Variants in ASXL2 observed in about 807,000 individuals in gnomAD.
ASXL2 encodes the protein putative Polycomb group protein ASXL2.
Under a neutral mutation model 122.0 loss-of-function variants are expected in ASXL2, and 23 were observed. The ratio of observed to expected loss-of-function variants is 0.19; its 90% CI spans 0.14 to 0.27. The LOEUF is 0.27. ASXL2 is among the 10% of genes least tolerant of loss of function. ASXL2 has a pLI of 1.00. For synonymous variants in ASXL2, 650 were observed against 637.0 expected (o/e 1.02, Z -0.31); for missense variants, 1,518 against 1,713.8 (o/e 0.89, Z 2.02).
chr2:25,753,246 G>T (rs1204999808), intron 11 of ASXL2, among the ~76,000 whole-genome samples: 1 of 151,546 alleles, frequency 6.6e-6, no homozygotes, highest in Non-Finnish European at 1.5e-5. Flanking sequence ...GTTATAGTGT[G>T]AGCCACTGCG....
chr2:25,768,464 C>G (rs757242611), intron 7 of ASXL2, among the ~76,000 whole-genome samples: 12 of 152,090 alleles, frequency 7.9e-5, no homozygotes, highest in South Asian at 2.1e-4. Flanking sequence ...CCACCACACC[C>G]GGCTAATTTT....
Position 25,743,750 on chromosome 2 carries a change from T to C in ASXL2, c.2587A>G (p.Lys863Glu), listed in dbSNP as rs2087887581. Residue 863 changes from lysine (K) to glutamate (E), a missense_variant, in exon 13 of 13, where the codon AAG becomes GAG. By Grantham distance (56) the Lys-to-Glu change is moderately conservative. Transcript: ENST00000435504. ...GAGGCTGAAGGGTTAGGTATATTCT[T>C]ACTAGGACCTGCTTTGAGCTCAACT... The part of the protein sequence containing the change: ...GTVELKAGPS[K>E]NIPNPSASSK... 6.2e-7 allele frequency: 1 copy of C among 1,613,906 alleles called. No individual in the cohort carries two copies. The highest frequency in any genetic ancestry group is 1.3e-5 in the African/African-American group (1 of 74,940).
Position 25,743,539 on chromosome 2 carries a change from AAAG to A in ASXL2, c.2795_2797del (p.Ser932del), listed in dbSNP as rs759924842. ...TCTTAAAGTGGGTCCATTCATGTTT[AAAG>A]AAGTTCCTGGGGTTTTAAGGCTAGA... On this transcript the variant is annotated inframe_deletion, in exon 13 of 13. Transcript: ENST00000435504. 3.7e-6 allele frequency: 6 copies of A among 1,613,998 alleles called. No homozygotes were observed. The South Asian group carries it at 5.5e-5, about 15-fold the overall frequency.
chr2:25,851,249 G>T (rs1285871228), intron 1 of ASXL2, among the ~76,000 whole-genome samples: 1 of 151,998 alleles, frequency 6.6e-6, no homozygotes, highest in Non-Finnish European at 1.5e-5. Flanking sequence ...ATGCTCCAAA[G>T]GTGATTTGAT....
chr2:25,867,018 AG>A (rs1475867243), intron 1 of ASXL2, among the ~76,000 whole-genome samples: 3 of 152,154 alleles, frequency 2.0e-5, no homozygotes, highest in Non-Finnish European at 4.4e-5. Flanking sequence ...CTCCTGCCTC[AG>A]CCTCCCAAGT....
intron 3 of ASXL2, among the ~76,000 whole-genome samples, chr2:25,806,966 G>GC (rs1484556461): frequency 6.6e-6 from 1 of 151,540 alleles, no homozygotes; most frequent in Non-Finnish European, 1.5e-5. Flanking sequence ...AGTTAATTTT[G>GC]CACCAACCAA....
chr2:25,875,534 T>TATA (rs1194196014), intron 1 of ASXL2, among the ~76,000 whole-genome samples: 1 of 151,958 alleles, frequency 6.6e-6, no homozygotes, highest in Non-Finnish European at 1.5e-5. Context: ...TTATTTTGCT[T>TATA]ATAATAACCT....
chr2:25,863,535 T>C (rs1160657389), intron 1 of ASXL2, among the ~76,000 whole-genome samples: 1 of 149,402 alleles, frequency 6.7e-6, no homozygotes, highest in Non-Finnish European at 1.5e-5. Context: ...TACTAAAATA[T>C]ACAAAAAATT....
At chr2:25,842,776 G>C (rs1479387405) in intron 2 of ASXL2, among the ~76,000 whole-genome samples, 1 of 119,650 alleles carries the variant, frequency 8.4e-6, no homozygotes. Flanking sequence ...GCACGTGTGT[G>C]TGTGTGTGTG....
intron 5 of ASXL2, among the ~76,000 whole-genome samples, chr2:25,791,132 G>A (rs2088826095): frequency 6.6e-6 from 1 of 151,916 alleles, no homozygotes; most frequent in South Asian, 2.1e-4. Context: ...GTCTGGCTAT[G>A]AAAATTTGGA....
At chr2:25,748,037 C>A (rs893495445) in intron 12 of ASXL2, among the ~76,000 whole-genome samples, 5 of 151,502 alleles carry the variant, frequency 3.3e-5, no homozygotes. Flanking sequence ...ATTAGCCAGG[C>A]GTCGTGGCTT....
At chr2:25,797,229 G>A (rs1413333280) in intron 5 of ASXL2, among the ~76,000 whole-genome samples, 6 of 151,954 alleles carry the variant, frequency 3.9e-5, no homozygotes, top group Non-Finnish European at 5.9e-5. Flanking sequence ...GGTGGATCAC[G>A]AGGTCAGGAG....
chr2:25,792,600 AT>A (rs1206801088), intron 5 of ASXL2, among the ~76,000 whole-genome samples: 50 of 151,890 alleles, frequency 3.3e-4, no homozygotes, highest in Non-Finnish European at 1.5e-5. Flanking sequence ...CTAGTAAATA[AT>A]TTTTTTCTTT....
At chr2:25,867,236 T>TAA (rs1006091284) in intron 1 of ASXL2, among the ~76,000 whole-genome samples, 2 of 150,650 alleles carry the variant, frequency 1.3e-5, no homozygotes, top group Admixed American at 1.3e-4. Context: ...AGGTTCTATC[T>TAA]AAAAAAAAAT....
chr2:25,849,064 C>CATATACAT (rs1553705441), intron 1 of ASXL2, among the ~76,000 whole-genome samples: 1 of 86,516 alleles, frequency 1.2e-5, no homozygotes, highest in Non-Finnish European at 2.0e-5. Flanking sequence ...AAAAAATTTA[C>CATATACAT]ATATATATAT....
chr2:25,838,054 G>A (rs1266540587), intron 2 of ASXL2, among the ~76,000 whole-genome samples: 8 of 151,924 alleles, frequency 5.3e-5, no homozygotes, highest in Non-Finnish European at 1.2e-4. Context: ...AGCCATGATC[G>A]TGCCACTGCA....
At chr2:25,812,731 T>C (rs140920221) in intron 3 of ASXL2, among the ~76,000 whole-genome samples, 11 of 152,164 alleles carry the variant, frequency 7.2e-5, no homozygotes, top group Admixed American at 3.9e-4. Flanking sequence ...TACTCCATCA[T>C]TGAAAGCATC....
At chr2:25,805,985 T>C (rs2089075323) in intron 4 of ASXL2, among the ~76,000 whole-genome samples, 1 of 152,210 alleles carries the variant, frequency 6.6e-6, no homozygotes, top group Non-Finnish European at 1.5e-5. Flanking sequence ...CCATAAGTCA[T>C]TTTAATTTCG....
rs1215095423 is a variant in ASXL2, at chr2:25,743,407, A to C, written c.2930T>G (p.Met977Arg). The C allele has an allele frequency of 6.2e-7, 1 of 1,613,906 alleles. No homozygotes were observed. Among genetic ancestry groups the C allele is most frequent in the South Asian group, 1.1e-5 (1 of 91,080 alleles). Residue 977 changes from methionine (M) to arginine (R), a missense_variant, in exon 13 of 13, where the codon ATG becomes AGG. Physicochemically the swap from Met to Arg is moderately conservative, Grantham distance 91. Coordinates refer to ENST00000435504, the MANE Select transcript of ASXL2 (RefSeq NM_018263.6). ...ILPKPLTKVE[M>R]KTVPLTAKEE... The stretch of plus-strand genomic sequence containing the variant: ...TTTTGCAGTCAGTGGAACCGTTTTC[A>C]TTTCAACTTTGGTGAGAGGTTTAGG...
Sources: gnomAD v4.1 joint callset for allele counts (sites outside exome capture counted in the v4.1 genomes callset) on GRCh38, gnomAD v4.1.1 for gene constraint, MANE v1.5 for transcripts, NCBI Gene and HGNC (gene_info 2026-07-23, HGNC 2026-07-21) for gene names.